NLGN1: variants seen among roughly 807,000 people sequenced by gnomAD.
NLGN1 encodes the protein neuroligin 1.
NLGN1 carries 12 observed loss-of-function variants against 65.5 expected under a neutral mutation model. The ratio of observed to expected loss-of-function variants is 0.18; its 90% CI spans 0.12 to 0.30. The LOEUF is 0.30. Among genes scored for constraint, NLGN1 ranks in the 10% least tolerant of loss-of-function variants. The pLI, the probability that NLGN1 is intolerant of heterozygous loss-of-function variation, is 1.00. For missense variants in NLGN1, 750 were observed against 1,007.1 expected (o/e 0.74, Z 3.46); for synonymous variants, 350 against 359.5 (o/e 0.97, Z 0.30).
chr3:173,637,691 C>T (rs921923317), intron 3 of NLGN1, among the ~76,000 whole-genome samples: 2 of 152,064 alleles, frequency 1.3e-5, no homozygotes, highest in African/African-American at 4.8e-5. Flanking sequence ...GAGAAGCTTC[C>T]ATGATACTTT....
At chr3:173,640,742 G>GT (rs1222797948) in intron 3 of NLGN1, among the ~76,000 whole-genome samples, 2 of 151,924 alleles carry the variant, frequency 1.3e-5, no homozygotes, top group East Asian at 1.9e-4. Context: ...TAATTTTTTG[G>GT]TTTTTTATGA....
At chr3:173,644,864 T>C (rs1424333946) in intron 3 of NLGN1, among the ~76,000 whole-genome samples, 1 of 152,128 alleles carries the variant, frequency 6.6e-6, no homozygotes, top group African/African-American at 2.4e-5. Flanking sequence ...CCCCATACCC[T>C]CCAAGGTGGG....
At position 173,505,127 on chromosome 3, in the gene NLGN1, C is replaced by T. The variant is rs1916353; in HGVS notation, c.-321+70049C>T. Among the ~76,000 whole-genome samples, 782 of 152,048 alleles carry T rather than the reference C, an allele frequency of 5.1e-3. 8 individuals carry two copies. The highest frequency in any genetic ancestry group is 0.014 in the Middle Eastern group (4 of 294). ...CATTCTGTGTCTCTGTAAATGACAT[C>T]ACTCTTCAACCATTGCTTGAGTCAG... On this transcript the variant is annotated intron_variant, in intron 2 of 6. Coordinates refer to ENST00000457714, the Ensembl canonical transcript of NLGN1.
intron 3 of NLGN1, among the ~76,000 whole-genome samples, chr3:173,763,229 A>T (rs1778258750): frequency 6.6e-6 from 1 of 152,114 alleles, no homozygotes; most frequent in Non-Finnish European, 1.5e-5. Flanking sequence ...TTTAATGAAC[A>T]TCATTATTCC....
chr3:174,232,295 A>G (rs368375408), intron 4 of NLGN1, among the ~76,000 whole-genome samples: 3 of 152,122 alleles, frequency 2.0e-5, no homozygotes, highest in African/African-American at 4.8e-5. Flanking sequence ...TCACAGGACA[A>G]TGTCATCAGT....
chr3:173,940,237 C>A (rs1745815475), intron 4 of NLGN1, among the ~76,000 whole-genome samples: 1 of 151,790 alleles, frequency 6.6e-6, no homozygotes, highest in Non-Finnish European at 1.5e-5. Flanking sequence ...TACAGGCATG[C>A]ACCACCACGC....
chr3:173,579,485 T>C (rs965419440), intron 2 of NLGN1, among the ~76,000 whole-genome samples: 1 of 152,152 alleles, frequency 6.6e-6, no homozygotes, highest in Non-Finnish European at 1.5e-5. Context: ...TCAAGATAAA[T>C]AAACAAACAA....
At chr3:173,644,825 C>A (rs1186907975) in intron 3 of NLGN1, 2 of 152,962 alleles carry the variant, frequency 1.3e-5, no homozygotes, top group East Asian at 1.9e-4. Flanking sequence ...CTGCCCTGGC[C>A]AGGCCTCAGC....
chr3:173,444,535 G>T lies in NLGN1; in HGVS notation c.-321+9457G>T, dbSNP rs115523193. On this transcript the variant is annotated intron_variant, in intron 2 of 6. Coordinates refer to ENST00000457714, the Ensembl canonical transcript of NLGN1. The stretch of plus-strand genomic sequence containing the variant: ...TACAACTATTAATTTAAATACAAAT[G>T]TGTGGATTTTGGTCTTTCAAAAAAA... 6.1e-3 allele frequency among the ~76,000 whole-genome samples: 925 copies of T among 152,170 alleles called. 13 individuals are homozygous for T. The highest frequency in any genetic ancestry group is 0.022 in the African/African-American group (898 of 41,536).
At chr3:173,437,713 T>G (rs981848942) in intron 2 of NLGN1, among the ~76,000 whole-genome samples, 6 of 152,120 alleles carry the variant, frequency 3.9e-5, no homozygotes, top group Non-Finnish European at 7.4e-5. Flanking sequence ...TTTCTTTCAT[T>G]GCCGTTCCTG....
At chr3:173,996,530 T>C (rs567574556) in intron 4 of NLGN1, among the ~76,000 whole-genome samples, 1 of 152,296 alleles carries the variant, frequency 6.6e-6, no homozygotes, top group Admixed American at 6.5e-5. Flanking sequence ...TTCTCCAAGG[T>C]TGGCCAGTGA....
chr3:174,120,988 A>G (rs539430031), intron 4 of NLGN1, among the ~76,000 whole-genome samples: 1 of 152,254 alleles, frequency 6.6e-6, no homozygotes, highest in African/African-American at 2.4e-5. Context: ...AGGCCTTGTT[A>G]TGTTAGCCAT....
chr3:173,789,236 G>T (rs1223040156), intron 3 of NLGN1, among the ~76,000 whole-genome samples: 1 of 151,722 alleles, frequency 6.6e-6, no homozygotes, highest in African/African-American at 2.4e-5. Context: ...AAGAAAGAAG[G>T]AAGGAAGGAA....
Position 173,549,823 on chromosome 3 carries a change from G to A in NLGN1, c.-320-54456G>A, listed in dbSNP as rs139529025. On this transcript the variant is annotated intron_variant, in intron 2 of 6. Transcript: ENST00000457714. Reference sequence around the variant, plus strand: ...ATAAGCTATTTAGGATTTCTTCTACGTACAAGTCATCCAACATTGCTCACT... The same window carrying A: ...ATAAGCTATTTAGGATTTCTTCTACATACAAGTCATCCAACATTGCTCACT... Among the ~76,000 whole-genome samples the A allele has an allele frequency of 1.6e-4, 24 of 152,118 alleles. No individual in the cohort carries two copies. In the East Asian group the frequency reaches 3.3e-3, roughly 21 times the overall value.
chr3:174,272,598 C>G (rs1273371791), intron 4 of NLGN1, among the ~76,000 whole-genome samples: 1 of 151,188 alleles, frequency 6.6e-6, no homozygotes, highest in South Asian at 2.1e-4. Flanking sequence ...TAAAACCCAG[C>G]GTCGTCCTCT....
At chr3:173,451,838 G>A (rs1721599488) in intron 2 of NLGN1, among the ~76,000 whole-genome samples, 1 of 152,180 alleles carries the variant, frequency 6.6e-6, no homozygotes, top group African/African-American at 2.4e-5. Context: ...AAGGCTCCGT[G>A]GGCGTAGGAC....
intron 4 of NLGN1, among the ~76,000 whole-genome samples, chr3:173,841,708 G>A (rs1203115492): frequency 2.6e-5 from 4 of 152,122 alleles, no homozygotes; most frequent in Admixed American, 2.6e-4. Context: ...AAGTAGAGGA[G>A]TCATGGCAAA....
At chr3:173,913,295 GT>G (rs1316016020) in intron 4 of NLGN1, among the ~76,000 whole-genome samples, 3 of 152,136 alleles carry the variant, frequency 2.0e-5, no homozygotes, top group Non-Finnish European at 4.4e-5. Flanking sequence ...AAAAGGTGTG[GT>G]TCGCCTTTGG....
At chr3:174,116,481 G>A (rs951557925) in intron 4 of NLGN1, among the ~76,000 whole-genome samples, 1 of 151,770 alleles carries the variant, frequency 6.6e-6, no homozygotes, top group African/African-American at 2.4e-5. Context: ...GGGATTACAA[G>A]TATGTGCCAC....
Sources: allele counts gnomAD v4.1 joint callset (sites outside exome capture counted in the v4.1 genomes callset), GRCh38; gene constraint gnomAD v4.1.1; transcripts MANE v1.5; gene names NCBI Gene and HGNC (gene_info 2026-07-23, HGNC 2026-07-21).